The following SLC35E2B variants were observed in gnomAD, a reference collection of about 807,000 sequenced individuals.
SLC35E2B encodes solute carrier family 35, member E2B.
A neutral mutation model predicts 32.4 loss-of-function variants in SLC35E2B; 18 were observed. That is an observed-to-expected ratio of 0.56 (90% CI 0.38 to 0.82). The LOEUF (loss-of-function observed/expected upper bound fraction) is 0.82. Ranked by LOEUF, SLC35E2B falls within the 40% of genes least tolerant of loss-of-function variation. The pLI, the probability that SLC35E2B is intolerant of heterozygous loss-of-function variation, is 0.00. For synonymous variants in SLC35E2B, 132 were observed against 209.1 expected, an observed-to-expected ratio of 0.63 and a Z score of 3.18; for missense variants, 263 against 469.5, an observed-to-expected ratio of 0.56 and a Z score of 4.06.
At chr1:1,685,738 G>A (rs1471667451) in intron 2 of SLC35E2B, among the ~76,000 whole-genome samples, 1 of 152,170 alleles carries the variant, frequency 6.6e-6, no homozygotes, top group Non-Finnish European at 1.5e-5. Flanking sequence ...GACGCTGGAT[G>A]TGGGTACGCA....
intron 2 of SLC35E2B, among the ~76,000 whole-genome samples, chr1:1,685,663 T>C (rs1643941282): frequency 1.3e-5 from 2 of 151,806 alleles, no homozygotes; most frequent in African/African-American, 4.8e-5. Flanking sequence ...ACACCACAGA[T>C]CAAACAAACG....
At chr1:1,690,111 A>G (rs1158417364) in intron 2 of SLC35E2B, among the ~76,000 whole-genome samples, 2 of 150,312 alleles carry the variant, frequency 1.3e-5, no homozygotes, top group Non-Finnish European at 1.5e-5. Flanking sequence ...GAGAAACCCC[A>G]TCTCTACTAA....
At chr1:1,672,541 A>T (rs1643724389) in intron 5 of SLC35E2B, 1 of 152,208 alleles carries the variant, frequency 6.6e-6, no homozygotes, top group Admixed American at 6.5e-5. Context: ...ACATTTATGA[A>T]AATTGTAGAG....
At chr1:1,681,354 C>T (rs1220196711) in intron 2 of SLC35E2B, among the ~76,000 whole-genome samples, 1 of 151,750 alleles carries the variant, frequency 6.6e-6, no homozygotes, top group African/African-American at 2.4e-5. Context: ...CCCGCCACCA[C>T]GCCTGGCTAA....
In SLC35E2B at chr1:1,662,894, G is replaced by T. The variant is rs1257790644; in HGVS notation, c.*2888C>A. On this transcript the variant is annotated 3_prime_UTR_variant, in exon 10 of 10. Transcript: ENST00000617444. ...AAGCTCACCTGTGACAGTTCAACAA[G>T]AACTTACTATTCCAGAAAAGTATTA... 6.3e-6 allele frequency: 5 copies of T among 799,594 alleles called. No individual in the cohort carries two copies. The African/African-American group carries it at 7.1e-5, about 11-fold the overall frequency. 49.5% of individuals were successfully genotyped at this position (799,594 alleles called of 1,614,324 possible).
Position 1,663,266 on chromosome 1 carries a change from T to C in SLC35E2B, c.*2516A>G. 1.0e-6 allele frequency: 1 copy of C among 980,496 alleles called. No individual in the cohort carries two copies. The highest frequency in any genetic ancestry group is 1.2e-6 in the Non-Finnish European group (1 of 826,584). The allele number at this position is 980,496 out of a possible 1,614,324, so 60.7% of individuals were successfully genotyped here. The stretch of plus-strand genomic sequence containing the variant: ...ACAGGATGGCAGCTCCTTGTGAGGG[T>C]GGAGGGGAGGGCACCAGATGCTGTG... On this transcript the variant is annotated 3_prime_UTR_variant, in exon 10 of 10. Transcript: ENST00000617444.
Position 1,670,157 on chromosome 1 carries a change from ATAAAG to A in SLC35E2B, c.708-11_708-7del, listed in dbSNP as rs1347947633. 1 of 1,549,126 alleles carries A rather than the reference ATAAAG, an allele frequency of 6.5e-7. No homozygotes were observed. The highest frequency in any genetic ancestry group is 8.7e-7 in the Non-Finnish European group (1 of 1,144,372). On this transcript the variant is annotated splice_polypyrimidine_tract_variant and splice_region_variant and intron_variant, in intron 6 of 9. Coordinates refer to ENST00000617444, the MANE Select transcript of SLC35E2B (RefSeq NM_001290264.2). Reference sequence around the variant, plus strand: ...TTGAAAAAACATTTTGCAAACTAGAATAAAGAAAAGAGGTTATGCATCAATACTAG... The same window carrying A: ...TTGAAAAAACATTTTGCAAACTAGAAAAAAGAGGTTATGCATCAATACTAG...
At position 1,673,362 on chromosome 1, in the gene SLC35E2B, G is replaced by A. The variant is rs374120570; in HGVS notation, c.587-1733C>T. On this transcript the variant is annotated intron_variant, in intron 5 of 9. Transcript: ENST00000617444. ...TATTACAGCAGTGAGGGAAACTGAA[G>A]TTGGTGGTGGTGAGAAAGTTATTAT... The A allele has an allele frequency of 1.9e-3, 855 of 455,366 alleles. 4 individuals are homozygous for A. The highest frequency in any genetic ancestry group is 9.3e-3 in the African/African-American group (463 of 49,544). The allele number at this position is 455,366 out of a possible 1,614,324, so 28.2% of individuals were successfully genotyped here.
intron 8 of SLC35E2B, among the ~76,000 whole-genome samples, 156 bp downstream of exon 8, chr1:1,669,508 G>A (rs1233546468): frequency 2.6e-5 from 4 of 152,124 alleles, no homozygotes; most frequent in Admixed American, 6.5e-5. Flanking sequence ...TGCAAACCCC[G>A]AGTGGCTCCC....
In SLC35E2B at chr1:1,662,740, T is replaced by C; in HGVS notation, c.*3042A>G. 4.3e-6 allele frequency: 3 copies of C among 699,382 alleles called. 1 individual carries two copies. Among genetic ancestry groups the C allele is most frequent in the Non-Finnish European group, 5.0e-6 (3 of 602,444 alleles). The allele number at this position is 699,382 out of a possible 1,614,324, so 43.3% of individuals were successfully genotyped here. On this transcript the variant is annotated 3_prime_UTR_variant, in exon 10 of 10. Coordinates refer to ENST00000617444, the MANE Select transcript of SLC35E2B (RefSeq NM_001290264.2). ...CCTTGAAAGAGAGCTGCAAATCTCT[T>C]AAGTATCAACGTAAAGAAGCCGATG...
chr1:1,677,691 T>C (rs1198271540), intron 2 of SLC35E2B, among the ~76,000 whole-genome samples: 2 of 151,676 alleles, frequency 1.3e-5, no homozygotes, highest in Non-Finnish European at 2.9e-5. Context: ...TTTCACCGTG[T>C]TAGCCAGGAT....
At chr1:1,667,195 A>G (rs1413364300) in intron 9 of SLC35E2B, among the ~76,000 whole-genome samples, 1 of 145,496 alleles carries the variant, frequency 6.9e-6, no homozygotes, top group African/African-American at 2.6e-5. Context: ...TCACAAGGTC[A>G]GGAGATCGAG....
At chr1:1,685,892 C>T (rs1346837347) in intron 2 of SLC35E2B, among the ~76,000 whole-genome samples, 10 of 152,270 alleles carry the variant, frequency 6.6e-5, no homozygotes, top group African/African-American at 2.4e-4. Context: ...AGTGCAATGG[C>T]GCGATCTCAG....
rs1349795439 is a variant in SLC35E2B, at chr1:1,663,917, G to T, written c.*1865C>A. 1 of 708,678 alleles carries T rather than the reference G, an allele frequency of 1.4e-6. No individual in the cohort carries two copies. The highest frequency in any genetic ancestry group is 1.7e-6 in the Non-Finnish European group (1 of 573,504). 43.9% of individuals were successfully genotyped at this position (708,678 alleles called of 1,614,324 possible). ...TTTTATAGAAGCGGCTGAAGCAGGT[G>T]TAGTAGCCCACGCCTATATTCTCGA... On this transcript the variant is annotated 3_prime_UTR_variant, in exon 10 of 10. Transcript: ENST00000617444.
intron 2 of SLC35E2B, among the ~76,000 whole-genome samples, chr1:1,685,642 A>G (rs902026989): frequency 3.9e-5 from 6 of 152,032 alleles, no homozygotes; most frequent in African/African-American, 1.4e-4. Context: ...ACGAACACGA[A>G]TGCATGAACC....
chr1:1,689,087 A>G (rs569409273), intron 2 of SLC35E2B, among the ~76,000 whole-genome samples: 13 of 152,068 alleles, frequency 8.5e-5, no homozygotes, highest in South Asian at 2.1e-4. Context: ...CACGAGGATC[A>G]CTTGAACCTG....
In SLC35E2B at chr1:1,664,382, C is replaced by G. The variant is rs193184099; in HGVS notation, c.*1400G>C. On this transcript the variant is annotated 3_prime_UTR_variant, in exon 10 of 10. Coordinates refer to ENST00000617444, the MANE Select transcript of SLC35E2B (RefSeq NM_001290264.2). ...AAGCCAGTGAAGTGACCATGGGTGC[C>G]AAAGGCCTAAAGAGCAGGCAGGGAA... The G allele has an allele frequency of 1.3e-5, 12 of 944,198 alleles. 1 individual carries two copies. In the Admixed American group the frequency reaches 5.1e-4, roughly 40 times the overall value. 58.5% of individuals were successfully genotyped at this position (944,198 alleles called of 1,614,324 possible).
chr1:1,682,199 G>A (rs1643905858), intron 2 of SLC35E2B, among the ~76,000 whole-genome samples: 2 of 151,820 alleles, frequency 1.3e-5, no homozygotes, highest in Non-Finnish European at 2.9e-5. Flanking sequence ...GACAGGGAGC[G>A]ACAAAAAACA....
At position 1,671,626 on chromosome 1, in the gene SLC35E2B, A is replaced by T; in HGVS notation, c.590T>A (p.Leu197Gln). ...TGGGATGAGGGAGAGGTTGACCAGC[A>T]GCCCTGGCGAGAGGACAGCCCCTGT... ...SRMILGEYTG[L>Q]LVNLSLIPVM... The change falls in exon 6 of 10, where the codon CTG (leucine) becomes CAG (glutamine). Residue 197 changes from leucine to glutamine, a missense_variant. By Grantham distance (113) the Leu-to-Gln change is moderately radical. Coordinates refer to ENST00000617444, the MANE Select transcript of SLC35E2B (RefSeq NM_001290264.2). 1 of 1,542,178 alleles carries T rather than the reference A, an allele frequency of 6.5e-7. No individual in the cohort carries two copies. Among genetic ancestry groups the T allele is most frequent in the South Asian group, 1.2e-5 (1 of 82,554 alleles).
Sources: allele counts gnomAD v4.1 joint callset (sites outside exome capture counted in the v4.1 genomes callset), GRCh38; gene constraint gnomAD v4.1.1; transcripts MANE v1.5; gene names NCBI Gene and HGNC (gene_info 2026-07-23, HGNC 2026-07-21).